Variants in PTGES3 observed in about 807,000 individuals in gnomAD.
PTGES3 encodes prostaglandin E synthase 3, also known as Hsp90 co-chaperone.
PTGES3 carries 5 observed loss-of-function variants against 29.9 expected under a neutral mutation model. The ratio of observed to expected loss-of-function variants is 0.17; its 90% CI spans 0.09 to 0.35. The LOEUF is 0.35. Ranked by LOEUF, PTGES3 falls within the 10% of genes least tolerant of loss-of-function variation. The probability of loss-of-function intolerance (pLI) is 1.00; values close to 1 mark genes in which losing one functional copy is unlikely to be tolerated. For synonymous variants in PTGES3, 49 were observed against 57.8 expected (o/e 0.85, Z 0.69); for missense variants, 128 against 190.0 (o/e 0.67, Z 1.92).
Position 56,673,074 on chromosome 12 carries a change from G to C in PTGES3, c.3-9C>G, listed in dbSNP as rs573251398. The stretch of plus-strand genomic sequence containing the variant: ...TTGCAGAAGCAGGCTGCCTACAAAA[G>C]GATAAAGTAGGGAAAGTCAAGCTGG... On this transcript the variant is annotated splice_polypyrimidine_tract_variant and intron_variant, in intron 1 of 7. Transcript: ENST00000262033. 6 of 1,564,768 alleles carry C rather than the reference G, an allele frequency of 3.8e-6. No individual in the cohort carries two copies. In the Admixed American group the frequency reaches 1.2e-4, roughly 30 times the overall value.
At chr12:56,664,683 T>C in intron 7 of PTGES3, 93 bp downstream of exon 7, 2 of 1,475,106 alleles carry the variant, frequency 1.4e-6, no homozygotes, top group Non-Finnish European at 1.8e-6. Context: ...AAGAAAAAAT[T>C]ACTTTACTTC....
At chr12:56,673,268 A>G (rs1565865932) in intron 1 of PTGES3, among the ~76,000 whole-genome samples, 1 of 152,156 alleles carries the variant, frequency 6.6e-6, no homozygotes, top group Non-Finnish European at 1.5e-5. Context: ...TTCCAATTTC[A>G]TAATAGGAAA....
In PTGES3 at chr12:56,667,673, G is replaced by A. The variant is rs574040885; in HGVS notation, c.376-1407C>T. Among the ~76,000 whole-genome samples the A allele has an allele frequency of 1.1e-3, 170 of 152,332 alleles. 1 individual carries two copies. The highest frequency in any genetic ancestry group is 3.9e-3 in the African/African-American group (164 of 41,576). On this transcript the variant is annotated intron_variant, in intron 5 of 7. Coordinates refer to ENST00000262033, the MANE Select transcript of PTGES3 (RefSeq NM_006601.7). ...TAGAGAGTAGAATGGTAGATGCCAG[G>A]AGCTGGGGGGAAGGAAAATGCAGAG...
chr12:56,672,610 C>T, intron 3 of PTGES3, 130 bp downstream of exon 3: 1 of 1,109,488 alleles, frequency 9.0e-7, no homozygotes, highest in Non-Finnish European at 1.2e-6. Context: ...AAATATTCTA[C>T]AAAATGTAAA....
intron 1 of PTGES3, 57 bp from the exon 2 acceptor site, chr12:56,673,122 A>G (rs1189719279): frequency 8.4e-7 from 1 of 1,194,512 alleles, no homozygotes; most frequent in South Asian, 1.4e-5. Context: ...AAACATTCAC[A>G]TACTAACCTT....
At position 56,664,767 on chromosome 12, in the gene PTGES3, TAC is replaced by T. The variant is rs1212333754; in HGVS notation, c.463+7_463+8del. The T allele has an allele frequency of 3.1e-6, 5 of 1,592,392 alleles. No individual in the cohort carries two copies. The highest frequency in any genetic ancestry group is 4.5e-5 in the East Asian group (2 of 44,650). On this transcript the variant is annotated splice_region_variant and intron_variant, in intron 7 of 7. Transcript: ENST00000262033. The stretch of plus-strand genomic sequence containing the variant: ...TCACTGTATAAACATACTTTTTATA[TAC>T]ACTTACTTTCATCATCACTGTCTTG...
rs1333615004 is a variant in PTGES3 at position 56,687,174 on chromosome 12, GGAC to G, written c.2+821_2+823del. On this transcript the variant is annotated intron_variant, in intron 1 of 7. Transcript: ENST00000262033. ...CCTCCACACAAATTTAAGATCTTTGGGACGACTGTAGGTTAATTAAATGCCTAC... is the reference window on the plus strand; with the variant it reads ...CCTCCACACAAATTTAAGATCTTTGGGACTGTAGGTTAATTAAATGCCTAC... 33 of 1,036,844 alleles carry G rather than the reference GGAC, an allele frequency of 3.2e-5. No homozygotes were observed. The African/African-American group carries it at 5.0e-4, about 16-fold the overall frequency. The allele number at this position is 1,036,844 out of a possible 1,614,324, so 64.2% of individuals were successfully genotyped here.
intron 6 of PTGES3, chr12:56,665,354 G>T: frequency 1.1e-6 from 1 of 939,440 alleles, no homozygotes; most frequent in Non-Finnish European, 1.3e-6. Context: ...ACAGTGCAGT[G>T]GCGAGATCCG....
chr12:56,668,794 GA>G (rs1163849433), intron 5 of PTGES3, among the ~76,000 whole-genome samples: 1 of 152,016 alleles, frequency 6.6e-6, no homozygotes, highest in Non-Finnish European at 1.5e-5. Flanking sequence ...ATAGCAACAA[GA>G]AATGGATTTC....
intron 1 of PTGES3, among the ~76,000 whole-genome samples, chr12:56,682,093 C>T (rs943741209): frequency 6.6e-6 from 1 of 151,954 alleles, no homozygotes; most frequent in African/African-American, 2.4e-5. Flanking sequence ...GTGACCTGCC[C>T]GCCTTGGCCT....
chr12:56,686,666 C>T (rs1479781742), intron 1 of PTGES3, among the ~76,000 whole-genome samples: 2 of 152,096 alleles, frequency 1.3e-5, no homozygotes, highest in African/African-American at 2.4e-5. Flanking sequence ...TGTGAGCCAC[C>T]GCGCCCAGCC....
At chr12:56,672,226 G>A (rs1356651665) in intron 3 of PTGES3, among the ~76,000 whole-genome samples, 5 of 152,092 alleles carry the variant, frequency 3.3e-5, no homozygotes, top group East Asian at 1.9e-4. Flanking sequence ...AGCCTTGGCC[G>A]GGCGCAGTGG....
chr12:56,675,070 G>C (rs1422742137), intron 1 of PTGES3, among the ~76,000 whole-genome samples: 1 of 149,684 alleles, frequency 6.7e-6, no homozygotes, highest in East Asian at 2.0e-4. Flanking sequence ...GGGAGGCAGA[G>C]GCAGGCGGAT....
chr12:56,680,410 AG>A (rs1565874074), intron 1 of PTGES3, among the ~76,000 whole-genome samples: 2 of 149,684 alleles, frequency 1.3e-5, no homozygotes, highest in Non-Finnish European at 3.0e-5. Flanking sequence ...GGGGGGACAG[AG>A]TTTCACTCTT....
intron 4 of PTGES3, 89 bp from the exon 5 acceptor site, chr12:56,670,453 G>A (rs1951959839): frequency 1.1e-6 from 1 of 944,042 alleles, no homozygotes; most frequent in Non-Finnish European, 1.7e-6. Context: ...CTTCTAAAGA[G>A]ACCAGGTCTT....
chr12:56,663,805 C>T lies in PTGES3; in HGVS notation c.*674G>A, dbSNP rs1200986709. 6.6e-6 allele frequency: 1 copy of T among 152,622 alleles called. No individual in the cohort carries two copies. Among genetic ancestry groups the T allele is most frequent in the African/African-American group, 2.4e-5 (1 of 41,438 alleles). 9.5% of individuals were successfully genotyped at this position (152,622 alleles called of 1,614,324 possible). A position where few individuals can be genotyped will look rare whatever the true frequency, so the allele number is the denominator to read the frequency against. ...ACTAAATGTACAGACTCTCAAGCAA[C>T]AATGTACAGCTTTCTTCGTCCTCCA... On this transcript the variant is annotated 3_prime_UTR_variant, in exon 8 of 8. Transcript: ENST00000262033.
intron 1 of PTGES3, among the ~76,000 whole-genome samples, chr12:56,682,115 G>A (rs1287409165): frequency 1.3e-5 from 2 of 152,080 alleles, no homozygotes; most frequent in Admixed American, 6.6e-5. Flanking sequence ...CAAAAGTGCT[G>A]GGATTACATG....
intron 1 of PTGES3, chr12:56,686,861 C>T: frequency 2.6e-6 from 1 of 378,122 alleles, no homozygotes; most frequent in Non-Finnish European, 4.6e-6. Context: ...CAAGCAAATC[C>T]TTATTACTTT....
intron 1 of PTGES3, 86 bp downstream of exon 1, chr12:56,687,912 A>G (rs1335596362): frequency 2.0e-5 from 32 of 1,599,426 alleles, no homozygotes; most frequent in Non-Finnish European, 2.5e-5. Flanking sequence ...CCGATGCGAG[A>G]AAGGCTAGGG....
Sources: gnomAD v4.1 joint callset for allele counts (sites outside exome capture counted in the v4.1 genomes callset) on GRCh38, gnomAD v4.1.1 for gene constraint, MANE v1.5 for transcripts, NCBI Gene and HGNC (gene_info 2026-07-23, HGNC 2026-07-21) for gene names.